The following COMMD10 variants were observed in gnomAD, a reference collection of about 807,000 sequenced individuals.
COMMD10 encodes the protein COMM domain-containing protein 10.
In COMMD10, 33 loss-of-function variants were observed where a neutral mutation model predicts 28.9. The observed-to-expected ratio is 1.14, with a 90% CI of 0.87 to 1.53. COMMD10 has a LOEUF of 1.53. COMMD10 is among the 40% of genes most tolerant of loss of function. COMMD10 has a pLI of 0.00. For missense variants in COMMD10, 310 were observed against 233.4 expected, an observed-to-expected ratio of 1.33 and a Z score of -2.14; for synonymous variants, 110 against 81.7, an observed-to-expected ratio of 1.35 and a Z score of -1.87.
At chr5:116,155,352 T>A (rs576361947) in intron 5 of COMMD10, among the ~76,000 whole-genome samples, 153 of 152,290 alleles carry the variant, frequency 1.0e-3, no homozygotes, top group Non-Finnish European at 1.9e-3. Flanking sequence ...ATATATGCCA[T>A]CAGAATCTTC....
intron 5 of COMMD10, among the ~76,000 whole-genome samples, chr5:116,291,289 T>A (rs557715798): frequency 2.3e-4 from 35 of 152,342 alleles, no homozygotes; most frequent in African/African-American, 7.0e-4. Flanking sequence ...TTAACCTTCG[T>A]AGAGTCAACT....
chr5:116,123,472 A>G (rs1360200622), intron 4 of COMMD10, among the ~76,000 whole-genome samples: 3 of 152,184 alleles, frequency 2.0e-5, no homozygotes, highest in Non-Finnish European at 4.4e-5. Flanking sequence ...TCGGTTTGCC[A>G]GTATTTTATT....
intron 5 of COMMD10, among the ~76,000 whole-genome samples, chr5:116,290,789 T>C (rs1174009270): frequency 6.6e-6 from 1 of 152,122 alleles, no homozygotes; most frequent in Non-Finnish European, 1.5e-5. Context: ...CTTAAGCAAA[T>C]TGTTTGAATT....
At chr5:116,157,885 G>A (rs1468174285) in intron 5 of COMMD10, among the ~76,000 whole-genome samples, 1 of 150,808 alleles carries the variant, frequency 6.6e-6, no homozygotes, top group African/African-American at 2.4e-5. Context: ...TGGGTGTCTA[G>A]TGGTATTTTA....
intron 4 of COMMD10, among the ~76,000 whole-genome samples, chr5:116,109,511 T>G (rs1182127400): frequency 6.6e-6 from 1 of 152,172 alleles, no homozygotes; most frequent in Non-Finnish European, 1.5e-5. Flanking sequence ...TGAGAATTGC[T>G]TGAACCTGGG....
intron 5 of COMMD10, among the ~76,000 whole-genome samples, chr5:116,248,636 G>A (rs1183694315): frequency 6.6e-6 from 1 of 151,890 alleles, no homozygotes; most frequent in Admixed American, 6.6e-5. Flanking sequence ...CTTCTGTATA[G>A]CAGTTATTCA....
intron 5 of COMMD10, among the ~76,000 whole-genome samples, chr5:116,228,012 A>G (rs948764783): frequency 5.3e-5 from 8 of 152,170 alleles, no homozygotes; most frequent in Non-Finnish European, 8.8e-5. Context: ...ATACATTTCA[A>G]TGGAGGTTAA....
At chr5:116,284,127 A>G (rs572069786) in intron 5 of COMMD10, among the ~76,000 whole-genome samples, 2 of 151,718 alleles carry the variant, frequency 1.3e-5, no homozygotes, top group East Asian at 3.9e-4. Context: ...GCAAGACCCC[A>G]TCTCAAAAAT....
At chr5:116,105,832 A>G (rs1386712471) in intron 4 of COMMD10, among the ~76,000 whole-genome samples, 6 of 151,934 alleles carry the variant, frequency 3.9e-5, no homozygotes, top group Non-Finnish European at 5.9e-5. Context: ...TATTGTGTGT[A>G]TTTGATTCTT....
At chr5:116,251,187 C>G (rs1386415548) in intron 5 of COMMD10, among the ~76,000 whole-genome samples, 1 of 151,866 alleles carries the variant, frequency 6.6e-6, no homozygotes, top group Non-Finnish European at 1.5e-5. Context: ...CCATTATGTT[C>G]TTACCTTCAG....
At chr5:116,096,141 A>C (rs1750459850) in intron 4 of COMMD10, among the ~76,000 whole-genome samples, 1 of 151,976 alleles carries the variant, frequency 6.6e-6, no homozygotes, top group Non-Finnish European at 1.5e-5. Context: ...TTTCTGTAAA[A>C]AATCCTGCTT....
intron 5 of COMMD10, among the ~76,000 whole-genome samples, chr5:116,199,431 G>A (rs555432350): frequency 3.3e-5 from 5 of 152,156 alleles, no homozygotes; most frequent in African/African-American, 1.2e-4. Context: ...TCTTAACAGT[G>A]TCTTCCCCAG....
intron 4 of COMMD10, among the ~76,000 whole-genome samples, chr5:116,106,607 G>A (rs973478365): frequency 2.0e-5 from 3 of 152,108 alleles, no homozygotes; most frequent in Non-Finnish European, 4.4e-5. Flanking sequence ...CACTATTATT[G>A]TGTGGTAGTC....
intron 5 of COMMD10, among the ~76,000 whole-genome samples, chr5:116,206,132 A>G (rs1010041992): frequency 6.6e-6 from 1 of 152,190 alleles, no homozygotes; most frequent in Admixed American, 6.5e-5. Flanking sequence ...AAGGAGCTTC[A>G]TATTTAGTTT....
intron 3 of COMMD10, among the ~76,000 whole-genome samples, chr5:116,092,072 G>A (rs1053033705): frequency 2.0e-5 from 3 of 152,078 alleles, no homozygotes; most frequent in Non-Finnish European, 4.4e-5. Context: ...AACAGAACAG[G>A]TATCAGTGTT....
intron 4 of COMMD10, among the ~76,000 whole-genome samples, chr5:116,132,614 C>CT (rs764316418): frequency 6.9e-4 from 105 of 152,090 alleles, no homozygotes; most frequent in Non-Finnish European, 1.1e-3. Flanking sequence ...CAACATTTTA[C>CT]AGGTCTATAT....
intron 4 of COMMD10, among the ~76,000 whole-genome samples, chr5:116,125,563 G>A (rs565797576): frequency 2.3e-4 from 35 of 152,070 alleles, no homozygotes; most frequent in South Asian, 1.5e-3. Context: ...TCTTTGTGGC[G>A]TTCTCTGTAT....
At chr5:116,253,906 G>C (rs1292319360) in intron 5 of COMMD10, among the ~76,000 whole-genome samples, 1 of 151,224 alleles carries the variant, frequency 6.6e-6, no homozygotes, top group Non-Finnish European at 1.5e-5. Context: ...GGTAGAATTC[G>C]GCTGTGAATC....
chr5:116,266,148 G>A (rs1750579816), intron 5 of COMMD10, among the ~76,000 whole-genome samples: 1 of 151,696 alleles, frequency 6.6e-6, no homozygotes, highest in East Asian at 1.9e-4. Context: ...TCCTTAAGGG[G>A]GCAATGAGAA....
Sources: gnomAD v4.1 joint callset for allele counts (sites outside exome capture counted in the v4.1 genomes callset) on GRCh38, gnomAD v4.1.1 for gene constraint, MANE v1.5 for transcripts, NCBI Gene and HGNC (gene_info 2026-07-23, HGNC 2026-07-21) for gene names.